The following XDH variants were observed in gnomAD, a reference collection of about 807,000 sequenced individuals.
XDH encodes the protein xanthine dehydrogenase/oxidase.
XDH carries 138 observed loss-of-function variants against 156.1 expected under a neutral mutation model. That is an observed-to-expected ratio of 0.88 (90% CI 0.77 to 1.02). The LOEUF (loss-of-function observed/expected upper bound fraction) is 1.02. XDH is among the 50% of genes least tolerant of loss of function. The pLI is 0.00. For missense variants in XDH, 1,849 were observed against 1,684.9 expected (o/e 1.10, Z -1.71); for synonymous variants, 669 against 625.7 (o/e 1.07, Z -1.03).
intron 6 of XDH, among the ~76,000 whole-genome samples, chr2:31,394,833 C>T (rs979635375): frequency 7.9e-5 from 12 of 152,116 alleles, no homozygotes; most frequent in Non-Finnish European, 1.3e-4. Context: ...ATGAGCCCAC[C>T]GAAGGTAGTC....
intron 24 of XDH, among the ~76,000 whole-genome samples, chr2:31,350,526 A>C (rs370683674): frequency 6.6e-6 from 1 of 151,638 alleles, no homozygotes; most frequent in African/African-American, 2.4e-5. Context: ...ACAGGCACGC[A>C]CCACACGCCC....
Position 31,341,185 on chromosome 2 carries a change from A to T in XDH, c.3585+144T>A, listed in dbSNP as rs1042314021. ...TTGGACTATCACCAATCTAAATTCT[A>T]CTTTGGGGGAAACTCCCTAGGTTCC... On this transcript the variant is annotated intron_variant, in intron 33 of 35. Transcript: ENST00000379416. 3 of 869,034 alleles carry T rather than the reference A, an allele frequency of 3.5e-6. No homozygotes were observed. In the African/African-American group the frequency reaches 5.0e-5, roughly 15 times the overall value. The allele number at this position is 869,034 out of a possible 1,614,324, so 53.8% of individuals were successfully genotyped here. A position where few individuals can be genotyped will look rare whatever the true frequency, so the allele number is the denominator to read the frequency against.
At position 31,370,365 on chromosome 2, in the gene XDH, G is replaced by A. The variant is rs143481133; in HGVS notation, c.1970C>T (p.Ala657Val). Reference sequence around the variant, plus strand: ...AAATCCAAGACTTACCTTATCCTTCGCAAAGACTGTCTCATCATTACAAAT... The same window carrying A: ...AAATCCAAGACTTACCTTATCCTTCACAAAGACTGTCTCATCATTACAAAT... ...TGICNDETVF[A>V]KDKVTCVGHI... is the part of the protein sequence containing the mutation. Residue 657 changes from alanine (A) to valine (V), a missense_variant, in exon 18 of 36, where the codon GCG (alanine) becomes GTG (valine). Transcript: ENST00000379416. 4.6e-5 allele frequency: 75 copies of A among 1,614,050 alleles called. No individual in the cohort carries two copies. The highest frequency in any genetic ancestry group is 2.0e-4 in the Admixed American group (12 of 60,010).
chr2:31,399,182 G>A (rs1216538609), intron 4 of XDH, among the ~76,000 whole-genome samples: 1 of 152,200 alleles, frequency 6.6e-6, no homozygotes, highest in Non-Finnish European at 1.5e-5. Context: ...AGAAGACTGG[G>A]GAAGGAAGCC....
intron 29 of XDH, 117 bp from the exon 30 acceptor site, chr2:31,346,960 C>T (rs1685313326): frequency 7.5e-7 from 1 of 1,340,634 alleles, no homozygotes; most frequent in Admixed American, 1.8e-5. Context: ...CAGGGTGCCA[C>T]TCAAACAGCC....
chr2:31,403,016 A>C lies in XDH; in HGVS notation c.197+32T>G, dbSNP rs771422503. ...AAGCTGGTCCTGCATCGCAGCCCCC[A>C]TGTGGGTGGTCAGCCAGCAGGCAAA... On this transcript the variant is annotated intron_variant, in intron 3 of 35. Coordinates refer to ENST00000379416, the MANE Select transcript of XDH (RefSeq NM_000379.4). 3.1e-6 allele frequency: 5 copies of C among 1,612,402 alleles called. No individual in the cohort carries two copies. In the South Asian group the frequency reaches 5.5e-5, roughly 18 times the overall value.
At chr2:31,374,388 C>T (rs1638982933) in intron 15 of XDH, among the ~76,000 whole-genome samples, 1 of 152,100 alleles carries the variant, frequency 6.6e-6, no homozygotes, top group Admixed American at 6.5e-5. Flanking sequence ...GCAGTGTGGT[C>T]CCAAGTCTAT....
intron 12 of XDH, among the ~76,000 whole-genome samples, chr2:31,380,360 C>T (rs957368620): frequency 1.3e-5 from 2 of 152,150 alleles, no homozygotes; most frequent in African/African-American, 2.4e-5. Context: ...CAAGGCTGGC[C>T]CTTGGGAACT....
At position 31,372,278 on chromosome 2, in the gene XDH, A is replaced by T. The variant is rs768959436; in HGVS notation, c.1806T>A (p.Asn602Lys). 26 of 1,614,240 alleles carry T rather than the reference A, an allele frequency of 1.6e-5. No individual in the cohort carries two copies. The highest frequency in any genetic ancestry group is 1.5e-5 in the Non-Finnish European group (18 of 1,180,034). Residue 602 changes from asparagine (N) to lysine (K), a missense_variant, in exon 17 of 36, where the codon AAT (asparagine) becomes AAA (lysine). Transcript: ENST00000379416. ...TGGTGACCAGCCGGAGAGACAGCTC[A>T]TTCTCGTAGCGAGGAATGTCGTCAC... is the stretch of plus-strand genomic sequence containing the variant. ...VYCDDIPRYE[N>K]ELSLRLVTST...
At chr2:31,403,370 C>T (rs910937270) in intron 2 of XDH, among the ~76,000 whole-genome samples, 1 of 152,180 alleles carries the variant, frequency 6.6e-6, no homozygotes, top group African/African-American at 2.4e-5. Context: ...AGAGCAAAGG[C>T]ATCAGAACCC....
intron 11 of XDH, among the ~76,000 whole-genome samples, chr2:31,382,539 C>T (rs576981617): frequency 6.6e-6 from 1 of 152,276 alleles, no homozygotes; most frequent in Admixed American, 6.5e-5. Flanking sequence ...GAATAATCAA[C>T]AGGTGTATTC....
At chr2:31,403,581 A>G (rs1356222088) in intron 2 of XDH, among the ~76,000 whole-genome samples, 1 of 152,048 alleles carries the variant, frequency 6.6e-6, no homozygotes, top group African/African-American at 2.4e-5. Flanking sequence ...CTGTTCTGGG[A>G]CCTCTGAGTC....
chr2:31,340,178 C>T (rs1008098993), intron 33 of XDH, among the ~76,000 whole-genome samples: 2 of 152,222 alleles, frequency 1.3e-5, no homozygotes, highest in Non-Finnish European at 2.9e-5. Context: ...GCTCTCTCAG[C>T]CCCCTGCTCA....
intron 6 of XDH, among the ~76,000 whole-genome samples, chr2:31,395,621 T>C (rs549472168): frequency 5.3e-5 from 8 of 152,112 alleles, no homozygotes; most frequent in African/African-American, 1.7e-4. Flanking sequence ...TGCATCCCCC[T>C]GGAGTTTATA....
chr2:31,356,600 T>C (rs945699887), intron 24 of XDH, among the ~76,000 whole-genome samples: 57 of 152,196 alleles, frequency 3.7e-4, no homozygotes, highest in African/African-American at 1.3e-3. Context: ...AGGTCAGGAA[T>C]GGATCCTTCC....
rs1572544696 is a variant in XDH at position 31,377,315 on chromosome 2, T to TA, written c.1243-79dup. ...AAATGGCAGACCCAAACCACAGGGCTATGAGGTGAGGTGAGGGGATAACAC... is the reference window on the plus strand; with the variant it reads ...AAATGGCAGACCCAAACCACAGGGCTAATGAGGTGAGGTGAGGGGATAACAC... On this transcript the variant is annotated intron_variant, in intron 13 of 35. Coordinates refer to ENST00000379416, the MANE Select transcript of XDH (RefSeq NM_000379.4). The TA allele has an allele frequency of 4.8e-5, 74 of 1,542,618 alleles. No individual in the cohort carries two copies. In the East Asian group the frequency reaches 1.7e-3, roughly 35 times the overall value.
chr2:31,377,991 A>G (rs892726666), intron 13 of XDH, among the ~76,000 whole-genome samples: 4 of 150,860 alleles, frequency 2.7e-5, no homozygotes, highest in African/African-American at 9.8e-5. Flanking sequence ...ACCACACTCC[A>G]GCCTGGGCCA....
At chr2:31,343,479 A>G (rs1393709674) in intron 31 of XDH, among the ~76,000 whole-genome samples, 3 of 123,074 alleles carry the variant, frequency 2.4e-5, no homozygotes, top group African/African-American at 9.5e-5. Context: ...TATGTATAAT[A>G]CATATATATG....
chr2:31,379,158 G>A (rs1177787317), intron 13 of XDH, among the ~76,000 whole-genome samples: 1 of 152,146 alleles, frequency 6.6e-6, no homozygotes, highest in Non-Finnish European at 1.5e-5. Flanking sequence ...GCTGCTAAGG[G>A]AGGAAAGACC....
Sources: allele counts gnomAD v4.1 joint callset (sites outside exome capture counted in the v4.1 genomes callset), GRCh38; gene constraint gnomAD v4.1.1; transcripts MANE v1.5; gene names NCBI Gene and HGNC (gene_info 2026-07-23, HGNC 2026-07-21).